The following ANKIB1 variants were observed in gnomAD, a reference collection of about 807,000 sequenced individuals.
ANKIB1 encodes ankyrin repeat and IBR domain containing 1.
A neutral mutation model predicts 122.1 loss-of-function variants in ANKIB1; 43 were observed. That is an observed-to-expected ratio of 0.35 (90% CI 0.28 to 0.45). The LOEUF is 0.45. ANKIB1 is among the 20% of genes least tolerant of loss of function. The probability of loss-of-function intolerance (pLI) is 1.00; values close to 1 mark genes in which losing one functional copy is unlikely to be tolerated. For synonymous variants in ANKIB1, 390 were observed against 442.0 expected, an observed-to-expected ratio of 0.88 and a Z score of 1.48; for missense variants, 992 against 1,329.5, an observed-to-expected ratio of 0.75 and a Z score of 3.95.
intron 10 of ANKIB1, among the ~76,000 whole-genome samples, chr7:92,367,238 A>G (rs1053290625): frequency 2.6e-4 from 39 of 152,186 alleles, no homozygotes; most frequent in African/African-American, 9.2e-4. Context: ...GGCTGCAGAG[A>G]AAGTCCCAGT....
chr7:92,386,651 G>A lies in ANKIB1; in HGVS notation c.1752+8G>A. On this transcript the variant is annotated splice_region_variant and intron_variant, in intron 12 of 19. Transcript: ENST00000265742. ...AAGGAAATGACTGTGGAGGTAAAGA[G>A]AACCAATTAAGCCAAGACATCTCTC... 6.3e-7 allele frequency: 1 copy of A among 1,588,696 alleles called. No homozygotes were observed. Among genetic ancestry groups the A allele is most frequent in the Non-Finnish European group, 8.5e-7 (1 of 1,169,692 alleles).
chr7:92,398,587 C>G lies in ANKIB1; in HGVS notation c.2908C>G (p.Leu970Val), dbSNP rs2115733163. ...GQDPNINDNL[L>V]GNIMAWFHDM... Reference sequence around the variant, plus strand: ...GGACCCCAACATCAATGACAATCTTCTCGGCAACATCATGGCTTGGTTTCA... The same window carrying G: ...GGACCCCAACATCAATGACAATCTTGTCGGCAACATCATGGCTTGGTTTCA... The change falls in exon 20 of 20, where the codon CTC (leucine) becomes GTC (valine). Residue 970 changes from leucine to valine, a missense_variant. By Grantham distance (32) the Leu-to-Val change is conservative (BLOSUM62 1). Coordinates refer to ENST00000265742, the MANE Select transcript of ANKIB1 (RefSeq NM_019004.2). The G allele has an allele frequency of 6.2e-7, 1 of 1,614,020 alleles. No individual in the cohort carries two copies. The highest frequency in any genetic ancestry group is 8.5e-7 in the Non-Finnish European group (1 of 1,179,884).
intron 9 of ANKIB1, among the ~76,000 whole-genome samples, chr7:92,355,001 C>T (rs925744181): frequency 6.6e-6 from 1 of 152,154 alleles, no homozygotes; most frequent in Non-Finnish European, 1.5e-5. Context: ...TTGAGCCATA[C>T]CCAGGAGATA....
intron 11 of ANKIB1, among the ~76,000 whole-genome samples, chr7:92,380,575 T>A (rs1804490808): frequency 6.6e-6 from 1 of 152,146 alleles, no homozygotes; most frequent in African/African-American, 2.4e-5. Context: ...TCTGCAATAT[T>A]TGCTGTTCTG....
chr7:92,278,746 C>CA (rs1480321370), intron 1 of ANKIB1, among the ~76,000 whole-genome samples: 1 of 152,172 alleles, frequency 6.6e-6, no homozygotes, highest in Non-Finnish European at 1.5e-5. Flanking sequence ...ATAACTTCCC[C>CA]ACTCTTTTTT....
At chr7:92,376,310 G>C (rs558203164) in intron 11 of ANKIB1, among the ~76,000 whole-genome samples, 1 of 152,290 alleles carries the variant, frequency 6.6e-6, no homozygotes, top group East Asian at 1.9e-4. Context: ...TCTCCTACTA[G>C]AAAGCAGTTT....
chr7:92,378,370 C>T (rs1804434391), intron 11 of ANKIB1, among the ~76,000 whole-genome samples: 1 of 151,586 alleles, frequency 6.6e-6, no homozygotes, highest in East Asian at 1.9e-4. Context: ...GATGCTTCCA[C>T]CTATATAAGA....
intron 1 of ANKIB1, among the ~76,000 whole-genome samples, chr7:92,254,685 C>T (rs888571584): frequency 3.3e-5 from 5 of 151,902 alleles, no homozygotes; most frequent in African/African-American, 1.2e-4. Flanking sequence ...GGATTTTTTC[C>T]CTTACTAATA....
rs554528091 is a variant in ANKIB1, at chr7:92,307,163, A to T, written c.189-196A>T. Reference sequence around the variant, plus strand: ...AAAGATATTTACATTTATTTTTCTTAGTATTGTTATTCTAGAATAGAGTTT... The same window carrying T: ...AAAGATATTTACATTTATTTTTCTTTGTATTGTTATTCTAGAATAGAGTTT... On this transcript the variant is annotated intron_variant, in intron 2 of 19. Transcript: ENST00000265742. 7.9e-5 allele frequency among the ~76,000 whole-genome samples: 12 copies of T among 151,706 alleles called. 1 individual carries two copies. The South Asian group carries it at 2.5e-3, about 32-fold the overall frequency.
At chr7:92,252,355 A>G (rs1039548162) in intron 1 of ANKIB1, among the ~76,000 whole-genome samples, 2 of 150,128 alleles carry the variant, frequency 1.3e-5, no homozygotes, top group Admixed American at 6.6e-5. Flanking sequence ...TCTTCTATGC[A>G]TATTAGTTGG....
intron 5 of ANKIB1, among the ~76,000 whole-genome samples, chr7:92,342,524 A>C (rs752626281): frequency 6.6e-6 from 1 of 152,144 alleles, no homozygotes; most frequent in Admixed American, 6.6e-5. Flanking sequence ...TTATAACTCT[A>C]ATTTCTTCGG....
At position 92,400,420 on chromosome 7, in the gene ANKIB1, A is replaced by C. The variant is rs560148209; in HGVS notation, c.*1471A>C. ...TTATCAAAACTAGCATAACATAAGC[A>C]AAATAGATAAGTACAACACTCCATT... On this transcript the variant is annotated 3_prime_UTR_variant, in exon 20 of 20. Transcript: ENST00000265742. 1 of 152,210 alleles carries C rather than the reference A, an allele frequency of 6.6e-6. No individual in the cohort carries two copies. The highest frequency in any genetic ancestry group is 1.5e-5 in the Non-Finnish European group (1 of 68,038). 9.4% of individuals were successfully genotyped at this position (152,210 alleles called of 1,614,324 possible). A position where few individuals can be genotyped will look rare whatever the true frequency, so the allele number is the denominator to read the frequency against.
intron 1 of ANKIB1, among the ~76,000 whole-genome samples, chr7:92,264,132 C>CA (rs1025389304): frequency 6.7e-6 from 1 of 149,046 alleles, no homozygotes; most frequent in African/African-American, 2.5e-5. Flanking sequence ...TTTTAAGAAA[C>CA]AAACTTCAGG....
At chr7:92,301,005 A>G (rs184304061) in intron 2 of ANKIB1, among the ~76,000 whole-genome samples, 3 of 152,294 alleles carry the variant, frequency 2.0e-5, no homozygotes, top group Admixed American at 1.3e-4. Context: ...AGGTTCATCT[A>G]TGTCGAAAAT....
chr7:92,341,794 A>T (rs189248636), intron 5 of ANKIB1, among the ~76,000 whole-genome samples: 98 of 152,318 alleles, frequency 6.4e-4, no homozygotes, highest in African/African-American at 2.2e-3. Flanking sequence ...TGCATTCAGT[A>T]GAAACCATAC....
chr7:92,374,729 A>G (rs1260810478), intron 11 of ANKIB1, among the ~76,000 whole-genome samples: 2 of 152,196 alleles, frequency 1.3e-5, no homozygotes, highest in Non-Finnish European at 2.9e-5. Flanking sequence ...TAGAAAAAAA[A>G]TAAACTTGAA....
intron 1 of ANKIB1, among the ~76,000 whole-genome samples, chr7:92,285,106 T>C (rs1802092070): frequency 6.6e-6 from 1 of 152,112 alleles, no homozygotes; most frequent in South Asian, 2.1e-4. Context: ...CTTGCTCTGT[T>C]GCCCAGGCTG....
intron 11 of ANKIB1, among the ~76,000 whole-genome samples, chr7:92,385,772 C>A (rs567379595): frequency 6.6e-6 from 1 of 152,096 alleles, no homozygotes; most frequent in African/African-American, 2.4e-5. Flanking sequence ...AGGAGAAATA[C>A]CTAATGTAAA....
intron 1 of ANKIB1, among the ~76,000 whole-genome samples, chr7:92,265,272 G>A (rs1174222506): frequency 6.6e-6 from 1 of 152,132 alleles, no homozygotes; most frequent in Admixed American, 6.6e-5. Flanking sequence ...TACCCCTAGT[G>A]AAGGACATGA....
Sources: allele counts gnomAD v4.1 joint callset (sites outside exome capture counted in the v4.1 genomes callset), GRCh38; gene constraint gnomAD v4.1.1; transcripts MANE v1.5; gene names NCBI Gene and HGNC (gene_info 2026-07-23, HGNC 2026-07-21).